TMC3: variants seen among roughly 807,000 people sequenced by gnomAD.
TMC3 encodes the protein transmembrane channel-like protein 3.
TMC3 carries 98 observed loss-of-function variants against 110.6 expected under a neutral mutation model. The observed-to-expected ratio is 0.89, with a 90% CI of 0.75 to 1.05. TMC3 has a LOEUF of 1.05. Among genes scored for constraint, TMC3 ranks in the 50% least tolerant of loss-of-function variants. The pLI is 0.00. For missense variants in TMC3, 1,319 were observed against 1,373.2 expected (o/e 0.96, Z 0.62); for synonymous variants, 489 against 513.1 (o/e 0.95, Z 0.63).
At chr15:81,352,806 G>T (rs1893978766) in intron 9 of TMC3, among the ~76,000 whole-genome samples, 2 of 152,064 alleles carry the variant, frequency 1.3e-5, no homozygotes, top group African/African-American at 4.8e-5. Flanking sequence ...TTAGTCTTTT[G>T]TTTGTTTGTT....
intron 3 of TMC3, among the ~76,000 whole-genome samples, chr15:81,363,257 A>C (rs1040583464): frequency 1.8e-4 from 27 of 152,176 alleles, no homozygotes; most frequent in Non-Finnish European, 2.9e-4. Flanking sequence ...TCTCAAAAAA[A>C]AAAAAAAAAT....
In TMC3 at chr15:81,338,836, G is replaced by A. The variant is rs1596079793; in HGVS notation, c.1956-56C>T. On this transcript the variant is annotated intron_variant, in intron 17 of 21. Coordinates refer to ENST00000359440, the MANE Select transcript of TMC3 (RefSeq NM_001080532.3). ...TTATTGCTCTTGGCAGAAAGATGCT[G>A]CAAGACATCAGAAAATGGCTGGATG... The A allele has an allele frequency of 6.3e-6, 10 of 1,595,350 alleles. No individual in the cohort carries two copies. In the East Asian group the frequency reaches 6.7e-5, roughly 11 times the overall value.
chr15:81,357,674 C>T (rs1210061785), intron 7 of TMC3, among the ~76,000 whole-genome samples: 1 of 152,194 alleles, frequency 6.6e-6, no homozygotes, highest in African/African-American at 2.4e-5. Flanking sequence ...CACAGACAAG[C>T]CTGGCCTTTG....
chr15:81,370,985 C>CT (rs146751564), intron 2 of TMC3, among the ~76,000 whole-genome samples: 8,843 of 149,316 alleles, frequency 0.059, 263 homozygotes, highest in East Asian at 0.16. Context: ...GAACCTATGT[C>CT]TTTTTTTTTT....
chr15:81,365,666 G>A (rs1485884046), intron 3 of TMC3, among the ~76,000 whole-genome samples: 2 of 102,288 alleles, frequency 2.0e-5, no homozygotes, highest in Admixed American at 2.2e-4. Context: ...GCAAGACTCT[G>A]TCTCAAAAAA....
chr15:81,354,557 C>T (rs575335398), intron 9 of TMC3, among the ~76,000 whole-genome samples: 11 of 152,276 alleles, frequency 7.2e-5, no homozygotes, highest in African/African-American at 2.6e-4. Flanking sequence ...TATGCAGCAG[C>T]CTCAGAAGAT....
chr15:81,334,230 C>G (rs1373654420), intron 21 of TMC3, among the ~76,000 whole-genome samples: 10 of 152,164 alleles, frequency 6.6e-5, no homozygotes, highest in Admixed American at 6.5e-4. Flanking sequence ...ACATTCAGAT[C>G]AAATATAATT....
intron 10 of TMC3, 44 bp downstream of exon 10, chr15:81,351,650 C>A: frequency 6.5e-7 from 1 of 1,549,840 alleles, no homozygotes; most frequent in Non-Finnish European, 8.7e-7. Context: ...CTGTGCCCAG[C>A]TATGTCTCTT....
In TMC3 at chr15:81,359,818, T is replaced by C. The variant is rs941416739; in HGVS notation, c.395-347A>G. ...TTTTAAGAATTTGGCATATTTCTTA[T>C]CTATTTTGCACCATTTTGAGAATTT... is the stretch of plus-strand genomic sequence containing the variant. On this transcript the variant is annotated intron_variant, in intron 4 of 21. Transcript: ENST00000359440. Among the ~76,000 whole-genome samples the C allele has an allele frequency of 1.3e-4, 20 of 152,342 alleles. No individual in the cohort carries two copies. The East Asian group carries it at 3.3e-3, about 25-fold the overall frequency.
rs779573999 is a variant in TMC3 at position 81,341,389 on chromosome 15, C to A, written c.1844+1G>T. ...CATGATCAGATCTTATTCTTACTCA[C>A]CTTGAGGCTCGAAATACTTGCTGGT... On this transcript the variant is annotated splice_donor_variant, in intron 16 of 21. Transcript: ENST00000359440. LOFTEE classifies it high-confidence loss of function. 1.1e-5 allele frequency: 18 copies of A among 1,608,942 alleles called. No individual in the cohort carries two copies. The highest frequency in any genetic ancestry group is 1.4e-5 in the Non-Finnish European group (17 of 1,177,456).
At chr15:81,372,173 C>A (rs574587996) in intron 2 of TMC3, among the ~76,000 whole-genome samples, 40 of 151,306 alleles carry the variant, frequency 2.6e-4, no homozygotes, top group African/African-American at 9.7e-4. Flanking sequence ...AAATGAGTAT[C>A]TCTTTTCATA....
rs1893462837 is a variant in TMC3 at position 81,331,612 on chromosome 15, G to A, written c.*807C>T. On this transcript the variant is annotated 3_prime_UTR_variant, in exon 22 of 22. Transcript: ENST00000359440. ...ATCAGGTGATGGTCAGGTGGCTGCT[G>A]ATTGTCTCTCTAAAATAATAATTGG... is the stretch of plus-strand genomic sequence containing the variant. 6.6e-6 allele frequency: 1 copy of A among 152,176 alleles called. No individual in the cohort carries two copies. Among genetic ancestry groups the A allele is most frequent in the South Asian group, 2.1e-4 (1 of 4,830 alleles). 9.4% of individuals were successfully genotyped at this position (152,176 alleles called of 1,614,324 possible).
chr15:81,334,212 G>A (rs1056848894), intron 21 of TMC3, among the ~76,000 whole-genome samples: 3 of 151,876 alleles, frequency 2.0e-5, no homozygotes, highest in Non-Finnish European at 2.9e-5. Flanking sequence ...TATTGCTTTC[G>A]CTGTGCTACA....
At chr15:81,363,230 G>C (rs1305069062) in intron 3 of TMC3, among the ~76,000 whole-genome samples, 1 of 149,944 alleles carries the variant, frequency 6.7e-6, no homozygotes, top group Non-Finnish European at 1.5e-5. Context: ...CAGCCTGGGG[G>C]ACAGAGTGAG....
chr15:81,342,401 C>T (rs928409977), intron 15 of TMC3, among the ~76,000 whole-genome samples: 3 of 152,150 alleles, frequency 2.0e-5, no homozygotes, highest in Non-Finnish European at 2.9e-5. Context: ...GTTTTCTCAT[C>T]TTTAAAAAGG....
intron 14 of TMC3, 54 bp downstream of exon 14, chr15:81,343,863 A>G: frequency 1.3e-6 from 2 of 1,588,134 alleles, no homozygotes; most frequent in Non-Finnish European, 1.7e-6. Flanking sequence ...ACAACATGAG[A>G]AAGGATGGAT....
In TMC3 at chr15:81,341,436, C is replaced by T; in HGVS notation, c.1798G>A (p.Val600Met). Residue 600 changes from valine (V) to methionine (M), a missense_variant, in exon 16 of 22, where the codon GTG becomes ATG. By Grantham distance (21) the Val-to-Met change is conservative. Transcript: ENST00000359440. ...IGLMYLRSWA[V>M]LTCNVPHQQV... ...TGGTGGGGCACATTGCAGGTCAGCA[C>T]AGCCCAGCTTCTCAGGTACATGAGC... 6.2e-7 allele frequency: 1 copy of T among 1,611,894 alleles called. No individual in the cohort carries two copies. Among genetic ancestry groups the T allele is most frequent in the Non-Finnish European group, 8.5e-7 (1 of 1,178,960 alleles).
chr15:81,334,849 CCT>C lies in TMC3; in HGVS notation c.2328_2329del (p.Gly777GlufsTer26). 1 of 1,614,024 alleles carries C rather than the reference CCT, an allele frequency of 6.2e-7. No homozygotes were observed. The highest frequency in any genetic ancestry group is 1.7e-5 in the Admixed American group (1 of 60,032). On this transcript the variant is annotated frameshift_variant, in exon 21 of 22. Transcript: ENST00000359440. LOFTEE classifies it high-confidence loss of function. ...CTCTATCCTGCCACTCTTGCTGCTC[CCT>C]GAGTCAAAATGGGCCACGTTGCCGT...
At chr15:81,349,759 CT>C (rs532576010) in intron 10 of TMC3, among the ~76,000 whole-genome samples, 192 bp from the exon 11 acceptor site, 289 of 129,434 alleles carry the variant, frequency 2.2e-3, no homozygotes, top group Middle Eastern at 0.016. Flanking sequence ...TTATCATGGT[CT>C]TTTTTTTTTT....
Sources: allele counts gnomAD v4.1 joint callset (sites outside exome capture counted in the v4.1 genomes callset), GRCh38; gene constraint gnomAD v4.1.1; transcripts MANE v1.5; gene names NCBI Gene and HGNC (gene_info 2026-07-23, HGNC 2026-07-21).